Variants in GNAO1 observed in about 807,000 individuals in gnomAD.
GNAO1 encodes G protein subunit alpha o1, also known as guanine nucleotide-binding protein G(o) subunit alpha.
For missense variants in GNAO1, 166 were observed against 478.7 expected (o/e 0.35, Z 6.10); for synonymous variants, 164 against 180.7 (o/e 0.91, Z 0.74).
intron 2 of GNAO1, among the ~76,000 whole-genome samples, chr16:56,239,925 A>C (rs2036677535): frequency 1.3e-5 from 2 of 152,192 alleles, no homozygotes; most frequent in Non-Finnish European, 1.5e-5. Context: ...AGGTCTCAGC[A>C]ACTATCCTTG....
chr16:56,276,076 G>A lies in GNAO1; in HGVS notation c.303+4G>A, dbSNP rs1337378182. ...ATATGGTGATAAGGAGAGAAAGGTAGGCCCCTGAGCCCATAAGCACAGCAA... is the reference window on the plus strand; with the variant it reads ...ATATGGTGATAAGGAGAGAAAGGTAAGCCCCTGAGCCCATAAGCACAGCAA... On this transcript the variant is annotated splice_donor_region_variant and intron_variant, in intron 3 of 8. Transcript: ENST00000262493. 1 of 1,612,104 alleles carries A rather than the reference G, an allele frequency of 6.2e-7. No homozygotes were observed. Among genetic ancestry groups the A allele is most frequent in the African/African-American group, 1.3e-5 (1 of 74,892 alleles).
At chr16:56,349,150 T>TA (rs1184141446) in intron 6 of GNAO1, among the ~76,000 whole-genome samples, 1 of 152,148 alleles carries the variant, frequency 6.6e-6, no homozygotes, top group East Asian at 1.9e-4. Context: ...CTGTGGAGCC[T>TA]AAATGAGCCG....
At chr16:56,266,295 C>A (rs1272590759) in intron 2 of GNAO1, among the ~76,000 whole-genome samples, 3 of 152,202 alleles carry the variant, frequency 2.0e-5, no homozygotes, top group African/African-American at 7.2e-5. Flanking sequence ...TTGAAGGAGG[C>A]CATAATCTCA....
At chr16:56,220,797 G>T (rs1285289493) in intron 2 of GNAO1, among the ~76,000 whole-genome samples, 6 of 152,052 alleles carry the variant, frequency 3.9e-5, no homozygotes, top group African/African-American at 1.4e-4. Context: ...ACCCAGGCTG[G>T]AGTGCAGTGG....
In GNAO1 at chr16:56,266,233, A is replaced by G. The variant is rs186005326; in HGVS notation, c.162-9698A>G. On this transcript the variant is annotated intron_variant, in intron 2 of 8. Transcript: ENST00000262493. ...GTGCTGTGTGAACTGCACCTGGTACATAGCAGTCAGTTCTGTTAGATGAGA... is the reference window on the plus strand; with the variant it reads ...GTGCTGTGTGAACTGCACCTGGTACGTAGCAGTCAGTTCTGTTAGATGAGA... 2.5e-3 allele frequency among the ~76,000 whole-genome samples: 375 copies of G among 152,304 alleles called. 1 individual carries two copies. Among genetic ancestry groups the G allele is most frequent in the African/African-American group, 8.6e-3 (359 of 41,562 alleles).
chr16:56,343,542 G>C (rs975223684), intron 6 of GNAO1, among the ~76,000 whole-genome samples: 1 of 150,784 alleles, frequency 6.6e-6, no homozygotes, highest in Non-Finnish European at 1.5e-5. Flanking sequence ...CTGATATTTT[G>C]TATCTTTCAT....
chr16:56,262,856 A>C (rs117216596), intron 2 of GNAO1, among the ~76,000 whole-genome samples: 1 of 152,382 alleles, frequency 6.6e-6, no homozygotes, highest in East Asian at 1.9e-4. Context: ...ACAAAAGCTC[A>C]TGTCTGCACA....
chr16:56,294,933 T>G (rs1232681528), intron 3 of GNAO1, among the ~76,000 whole-genome samples: 1 of 152,148 alleles, frequency 6.6e-6, no homozygotes, highest in African/African-American at 2.4e-5. Context: ...ACTGTTCAGG[T>G]CTTTTATTCT....
At chr16:56,266,536 C>T (rs1192631467) in intron 2 of GNAO1, among the ~76,000 whole-genome samples, 1 of 152,258 alleles carries the variant, frequency 6.6e-6, no homozygotes, top group African/African-American at 2.4e-5. Flanking sequence ...GCACCACATT[C>T]AGTTGAGTCA....
At chr16:56,319,828 GC>G (rs1276389742) in intron 3 of GNAO1, among the ~76,000 whole-genome samples, 1 of 151,980 alleles carries the variant, frequency 6.6e-6, no homozygotes, top group African/African-American at 2.4e-5. Context: ...TGTCCCCTGG[GC>G]CCTGTCTCCA....
intron 3 of GNAO1, among the ~76,000 whole-genome samples, chr16:56,322,735 A>G (rs1478775078): frequency 1.2e-4 from 18 of 152,134 alleles, no homozygotes; most frequent in African/African-American, 4.3e-4. Context: ...GGCTCTCCTT[A>G]CTGGCGATGT....
rs956379600 is a variant in GNAO1 at position 56,311,665 on chromosome 16, G to A, written c.304-16966G>A. Among the ~76,000 whole-genome samples, 6 of 152,068 alleles carry A rather than the reference G, an allele frequency of 3.9e-5. No individual in the cohort carries two copies. The highest frequency in any genetic ancestry group is 1.4e-4 in the African/African-American group (6 of 41,388). On this transcript the variant is annotated intron_variant, in intron 3 of 8. Transcript: ENST00000262493. This position sits in a 1 kb window ranked among gnomAD's most constrained non-coding sequence, Gnocchi z 5.2. ...GACATAGCTTGGCAGATGAGTCCCC[G>A]GAGGCTTGGCTCAGCCCCTGACCCC...
chr16:56,288,740 G>T (rs2587880), intron 3 of GNAO1, among the ~76,000 whole-genome samples: 5 of 151,862 alleles, frequency 3.3e-5, no homozygotes, highest in Admixed American at 2.6e-4. Flanking sequence ...CAGGGGTGGA[G>T]GCGGGTAGGG....
chr16:56,311,613 G>T lies in GNAO1; in HGVS notation c.304-17018G>T, dbSNP rs560851241. 6.6e-6 allele frequency among the ~76,000 whole-genome samples: 1 copy of T among 152,078 alleles called. No individual in the cohort carries two copies. The highest frequency in any genetic ancestry group is 2.4e-5 in the African/African-American group (1 of 41,404). On this transcript the variant is annotated intron_variant, in intron 3 of 8. Transcript: ENST00000262493. The surrounding 1 kb of genome is among the most constrained non-coding windows in gnomAD (Gnocchi z 5.2). The stretch of plus-strand genomic sequence containing the variant: ...GCGCTGAACTGAGAACCCGAGGAGC[G>T]CGTCCCCTCCCTCCTCCCTCCCTGC...
chr16:56,199,032 G>T (rs1160403148), intron 2 of GNAO1, among the ~76,000 whole-genome samples: 13 of 152,192 alleles, frequency 8.5e-5, no homozygotes, highest in Non-Finnish European at 1.9e-4. Context: ...CCCTCCGAGG[G>T]CTCGGTTTCC....
At chr16:56,240,290 G>C (rs930306588) in intron 2 of GNAO1, among the ~76,000 whole-genome samples, 1 of 152,114 alleles carries the variant, frequency 6.6e-6, no homozygotes, top group African/African-American at 2.4e-5. Flanking sequence ...GTGCTTGTCT[G>C]TATGGTCATG....
intron 2 of GNAO1, among the ~76,000 whole-genome samples, chr16:56,275,127 A>T (rs1326354852): frequency 1.3e-5 from 2 of 152,234 alleles, no homozygotes; most frequent in African/African-American, 4.8e-5. Flanking sequence ...TCATTGAGGG[A>T]GGACAAATGT....
intron 2 of GNAO1, 80 bp from the exon 3 acceptor site, chr16:56,275,851 C>A: frequency 8.1e-7 from 1 of 1,241,482 alleles, no homozygotes; most frequent in South Asian, 2.2e-5. Flanking sequence ...CACAGTCAGC[C>A]AGTGCGTCTC....
At chr16:56,335,657 A>G (rs2037733412) in intron 5 of GNAO1, among the ~76,000 whole-genome samples, 1 of 152,086 alleles carries the variant, frequency 6.6e-6, no homozygotes, top group Non-Finnish European at 1.5e-5. Flanking sequence ...CTGGGGAGCA[A>G]AACCTTGGGC....
Sources: gnomAD v4.1 joint callset for allele counts (sites outside exome capture counted in the v4.1 genomes callset) on GRCh38, gnomAD v4.1.1 for gene constraint, Gnocchi (gnomAD v3.1) non-coding constraint, MANE v1.5 for transcripts, NCBI Gene and HGNC (gene_info 2026-07-23, HGNC 2026-07-21) for gene names.